LRRC69: variants seen among roughly 807,000 people sequenced by gnomAD.
LRRC69 encodes leucine rich repeat containing 69.
LRRC69 carries 42 observed loss-of-function variants against 37.8 expected under a neutral mutation model. The ratio of observed to expected loss-of-function variants is 1.11; its 90% confidence interval spans 0.87 to 1.44. The LOEUF (loss-of-function observed/expected upper bound fraction) is 1.44, where lower values mean the gene tolerates loss of function less well. LRRC69 is among the 40% of genes most tolerant of loss of function. The probability of loss-of-function intolerance (pLI) is 0.00; values close to 1 mark genes in which losing one functional copy is unlikely to be tolerated. For missense variants in LRRC69, 357 were observed against 401.9 expected, an observed-to-expected ratio of 0.89 and a Z score of 0.96; for synonymous variants, 141 against 143.1, an observed-to-expected ratio of 0.99 and a Z score of 0.11.
At chr8:91,206,528 G>A (rs771396097) in intron 7 of LRRC69, among the ~76,000 whole-genome samples, 3 of 152,184 alleles carry the variant, frequency 2.0e-5, no homozygotes, top group African/African-American at 4.8e-5. Flanking sequence ...CATTTAATGA[G>A]TACAGCGTGT....
intron 3 of LRRC69, among the ~76,000 whole-genome samples, chr8:91,131,751 T>A (rs147430412): frequency 1.6e-4 from 25 of 152,114 alleles, no homozygotes; most frequent in Non-Finnish European, 2.9e-4. Flanking sequence ...ACTAGTTTTG[T>A]TTGTTAGTTT....
chr8:91,133,495 G>A (rs915796744), intron 4 of LRRC69, 190 bp downstream of exon 4: 10 of 441,392 alleles, frequency 2.3e-5, no homozygotes, highest in African/African-American at 1.6e-4. Context: ...CATAGCTAGG[G>A]CTGCCAGATT....
intron 5 of LRRC69, among the ~76,000 whole-genome samples, chr8:91,144,992 C>T (rs1180084306): frequency 6.6e-6 from 1 of 151,746 alleles, no homozygotes; most frequent in Non-Finnish European, 1.5e-5. Context: ...ACAAGCATTC[C>T]TAGGGAGACC....
intron 5 of LRRC69, among the ~76,000 whole-genome samples, chr8:91,143,602 G>C (rs1345075713): frequency 6.6e-6 from 1 of 152,010 alleles, no homozygotes; most frequent in Non-Finnish European, 1.5e-5. Flanking sequence ...ACATAAAGCG[G>C]GAAAGCCTCA....
intron 1 of LRRC69, among the ~76,000 whole-genome samples, chr8:91,119,954 A>G (rs1214374766): frequency 5.9e-5 from 9 of 151,828 alleles, no homozygotes; most frequent in Non-Finnish European, 2.9e-5. Context: ...GTGTCCCCAT[A>G]TTTAAGGCAT....
chr8:91,135,837 G>T, intron 5 of LRRC69, 98 bp downstream of exon 5: 1 of 559,052 alleles, frequency 1.8e-6, no homozygotes, highest in Non-Finnish European at 2.9e-6. Flanking sequence ...TGTAGTAATT[G>T]AAACCTTAAA....
At chr8:91,133,341 G>A (rs1813844391) in intron 4 of LRRC69, 36 bp downstream of exon 4, 1 of 1,428,362 alleles carries the variant, frequency 7.0e-7, no homozygotes, top group South Asian at 1.4e-5. Flanking sequence ...GTTTGCTGTT[G>A]GAGAAGAACT....
At chr8:91,139,695 G>A (rs1162273756) in intron 5 of LRRC69, among the ~76,000 whole-genome samples, 1 of 151,878 alleles carries the variant, frequency 6.6e-6, no homozygotes, top group Non-Finnish European at 1.5e-5. Context: ...CTCTTCATGT[G>A]TGTTTTTAGA....
At chr8:91,148,188 T>C (rs921300055) in intron 5 of LRRC69, among the ~76,000 whole-genome samples, 1 of 151,596 alleles carries the variant, frequency 6.6e-6, no homozygotes, top group African/African-American at 2.4e-5. Context: ...CCCATTAACT[T>C]GTCATTTAAC....
intron 5 of LRRC69, among the ~76,000 whole-genome samples, chr8:91,185,625 C>G (rs974378173): frequency 6.6e-6 from 1 of 152,164 alleles, no homozygotes; most frequent in African/African-American, 2.4e-5. Flanking sequence ...AATTTCTCCA[C>G]AATTCTGATT....
At chr8:91,196,514 T>TC (rs765387139) in intron 6 of LRRC69, among the ~76,000 whole-genome samples, 4 of 152,144 alleles carry the variant, frequency 2.6e-5, no homozygotes, top group Non-Finnish European at 5.9e-5. Flanking sequence ...TTTCACATAG[T>TC]CCCATATTTC....
At chr8:91,189,006 G>A (rs1809448533) in intron 5 of LRRC69, among the ~76,000 whole-genome samples, 1 of 151,784 alleles carries the variant, frequency 6.6e-6, no homozygotes, top group Non-Finnish European at 1.5e-5. Context: ...TGTATTTTTA[G>A]TAATATTTTC....
At chr8:91,133,120 C>A in exon 4 of LRRC69, 3 of 1,440,236 alleles carry the variant, frequency 2.1e-6, no homozygotes, top group South Asian at 1.3e-5. Flanking sequence ...ATTAAAAAGT[C>A]TTACTTATAT....
At chr8:91,182,917 T>C (rs548585369) in intron 5 of LRRC69, among the ~76,000 whole-genome samples, 8 of 152,164 alleles carry the variant, frequency 5.3e-5, no homozygotes, top group African/African-American at 1.9e-4. Context: ...AACAGGAGCC[T>C]GACTAAGTGA....
At chr8:91,149,959 G>C (rs1808699144) in intron 5 of LRRC69, among the ~76,000 whole-genome samples, 2 of 151,972 alleles carry the variant, frequency 1.3e-5, no homozygotes, top group African/African-American at 2.4e-5. Flanking sequence ...TGCTGAAGTT[G>C]CCTATCAGCT....
intron 1 of LRRC69, among the ~76,000 whole-genome samples, chr8:91,122,824 C>T (rs115547764): frequency 0.01 from 1,578 of 152,008 alleles, 34 homozygotes; most frequent in African/African-American, 0.035. Flanking sequence ...AATAATGGAC[C>T]CCCAAAGATG....
chr8:91,102,619 G>C, upstream of LRRC69: 1 of 1,455,376 alleles, frequency 6.9e-7, no homozygotes, highest in South Asian at 1.4e-5. Context: ...GTATAATAAA[G>C]AACTCTAATG....
At chr8:91,157,884 G>T (rs975714237) in intron 5 of LRRC69, 4 of 1,594,472 alleles carry the variant, frequency 2.5e-6, no homozygotes, top group Non-Finnish European at 3.4e-6. Context: ...TTAGATAAGG[G>T]AGAGTTTTAC....
At chr8:91,196,353 G>C (rs1215689305) in intron 6 of LRRC69, among the ~76,000 whole-genome samples, 1 of 151,700 alleles carries the variant, frequency 6.6e-6, no homozygotes, top group East Asian at 1.9e-4. Flanking sequence ...GAGTATCTTT[G>C]TTGTGTTCTC....
Sources: gnomAD v4.1 joint callset for allele counts (sites outside exome capture counted in the v4.1 genomes callset) on GRCh38, gnomAD v4.1.1 for gene constraint, MANE v1.5 for transcripts, NCBI Gene and HGNC (gene_info 2026-07-23, HGNC 2026-07-21) for gene names.